The following PKD1L1 variants were observed in gnomAD, a reference collection of about 807,000 sequenced individuals.
PKD1L1 encodes polycystin-1-like protein 1.
PKD1L1 carries 236 observed loss-of-function variants against 323.4 expected under a neutral mutation model. That is an observed-to-expected ratio of 0.73 (90% CI 0.66 to 0.81). PKD1L1 has a LOEUF of 0.81. Among genes scored for constraint, PKD1L1 ranks in the 40% least tolerant of loss-of-function variants. The pLI is 0.00. For synonymous variants in PKD1L1, 1,344 were observed against 1,335.0 expected (o/e 1.01, Z -0.15); for missense variants, 3,320 against 3,508.0 (o/e 0.95, Z 1.35).
At chr7:47,863,464 A>G (rs1207899249) in intron 26 of PKD1L1, among the ~76,000 whole-genome samples, 1 of 152,076 alleles carries the variant, frequency 6.6e-6, no homozygotes, top group Admixed American at 6.6e-5. Flanking sequence ...GAGGCCCAAG[A>G]CAAAGCTCTG....
At chr7:47,793,632 C>T (rs934304098) in intron 55 of PKD1L1, among the ~76,000 whole-genome samples, 2 of 152,100 alleles carry the variant, frequency 1.3e-5, no homozygotes, top group African/African-American at 4.8e-5. Flanking sequence ...TGAACTAAAA[C>T]AGTAAATTGG....
intron 26 of PKD1L1, among the ~76,000 whole-genome samples, chr7:47,863,194 G>A (rs757598945): frequency 7.2e-5 from 11 of 152,154 alleles, no homozygotes; most frequent in Admixed American, 2.0e-4. Flanking sequence ...CTGCATGGAC[G>A]GTGCTGCCCT....
chr7:47,842,456 C>T (rs1785581070), intron 34 of PKD1L1, among the ~76,000 whole-genome samples: 2 of 152,246 alleles, frequency 1.3e-5, no homozygotes, highest in South Asian at 4.1e-4. Context: ...ACACGCACTT[C>T]GAATTGCACA....
chr7:47,781,992 T>G (rs1056669563), intron 56 of PKD1L1, among the ~76,000 whole-genome samples: 2 of 152,224 alleles, frequency 1.3e-5, no homozygotes, highest in Admixed American at 6.5e-5. Flanking sequence ...GAGTCCATTC[T>G]GGGATCTCTA....
intron 12 of PKD1L1, among the ~76,000 whole-genome samples, chr7:47,903,706 C>T (rs944759657): frequency 3.3e-5 from 5 of 152,186 alleles, no homozygotes; most frequent in African/African-American, 9.7e-5. Context: ...TTCCCTACAG[C>T]AGCATAAAGT....
chr7:47,833,066 G>A lies in PKD1L1; in HGVS notation c.6337+24C>T, dbSNP rs1438390889. 4 of 1,598,246 alleles carry A rather than the reference G, an allele frequency of 2.5e-6. No individual in the cohort carries two copies. The African/African-American group carries it at 4.0e-5, about 16-fold the overall frequency. ...GGTCTGCTGGACTGGCAGGAAGGGG[G>A]CTGTGGTTGCAAGCCACAGTTACCT... On this transcript the variant is annotated intron_variant, in intron 41 of 56. Transcript: ENST00000289672.
In PKD1L1 at chr7:47,783,937, T is replaced by C. The variant is rs561093638; in HGVS notation, c.8526+8690A>G. Among the ~76,000 whole-genome samples the C allele has an allele frequency of 7.2e-5, 11 of 152,358 alleles. No homozygotes were observed. In the South Asian group the frequency reaches 2.3e-3, roughly 32 times the overall value. ...AAAGAAGCCAGCCGACAGTGTATTT[T>C]AGTCCTTGAGAATTCAACTTTCTTG... On this transcript the variant is annotated intron_variant, in intron 56 of 56. Coordinates refer to ENST00000289672, the MANE Select transcript of PKD1L1 (RefSeq NM_138295.5).
intron 50 of PKD1L1, 65 bp downstream of exon 50, chr7:47,811,752 C>A (rs1013908278): frequency 1.5e-6 from 2 of 1,369,512 alleles, no homozygotes; most frequent in Admixed American, 2.0e-5. Flanking sequence ...GTGGAGAAGC[C>A]CAGCCCAGGT....
At chr7:47,872,371 GT>G (rs11318220) in intron 24 of PKD1L1, among the ~76,000 whole-genome samples, 49,342 of 151,972 alleles carry the variant, frequency 0.32, 8,569 homozygotes, top group African/African-American at 0.43. Context: ...GTGGGCTCAG[GT>G]TTTTCAGTTT....
intron 31 of PKD1L1, among the ~76,000 whole-genome samples, chr7:47,852,135 C>T (rs1384189631): frequency 2.0e-5 from 3 of 152,106 alleles, no homozygotes; most frequent in African/African-American, 4.8e-5. Flanking sequence ...TTCTCTCTAA[C>T]GGCTTGTCCT....
chr7:47,867,398 A>C (rs1281963227), intron 24 of PKD1L1, among the ~76,000 whole-genome samples: 1 of 152,170 alleles, frequency 6.6e-6, no homozygotes, highest in African/African-American at 2.4e-5. Flanking sequence ...ACTTTACAGA[A>C]TTCGTCTTGC....
chr7:47,864,580 C>CTT (rs999356068), intron 26 of PKD1L1, among the ~76,000 whole-genome samples: 1 of 52,954 alleles, frequency 1.9e-5, no homozygotes, highest in African/African-American at 1.2e-4. Flanking sequence ...TCTTTCTTTT[C>CTT]TTTCTTTCTT....
intron 3 of PKD1L1, among the ~76,000 whole-genome samples, chr7:47,938,317 G>A (rs13239959): frequency 0.098 from 14,966 of 152,190 alleles, 865 homozygotes; most frequent in South Asian, 0.2. Context: ...ATGCCAGCTC[G>A]TGCCTGAGTG....
chr7:47,796,027 T>C lies in PKD1L1; in HGVS notation c.8317A>G (p.Thr2773Ala), dbSNP rs1322771345. ...ATCTCAGCCTCTTCCAACTTTGGTG[T>C]TTCCAGTCTCAGAAAGGTGAGGACC... ...EKVLTFLRLE[T>A]PKLEEAEMVE... Residue 2773 changes from threonine (T) to alanine (A), a missense_variant, in exon 55 of 57, where the codon ACA becomes GCA. Physicochemically the swap from Thr to Ala is moderately conservative, Grantham distance 58 (BLOSUM62 0). Coordinates refer to ENST00000289672, the MANE Select transcript of PKD1L1 (RefSeq NM_138295.5). The C allele has an allele frequency of 6.2e-7, 1 of 1,613,328 alleles. No homozygotes were observed. The highest frequency in any genetic ancestry group is 8.5e-7 in the Non-Finnish European group (1 of 1,179,794).
intron 56 of PKD1L1, among the ~76,000 whole-genome samples, chr7:47,786,803 C>T (rs1390404823): frequency 6.6e-6 from 1 of 152,168 alleles, no homozygotes; most frequent in South Asian, 2.1e-4. Context: ...GGTCCTTCTG[C>T]CCAATCAGCA....
At chr7:47,902,677 A>T (rs1787118450) in intron 12 of PKD1L1, among the ~76,000 whole-genome samples, 166 bp from the exon 13 acceptor site, 1 of 152,194 alleles carries the variant, frequency 6.6e-6, no homozygotes, top group South Asian at 2.1e-4. Context: ...ATTTCCACAG[A>T]GGTCTTTCAT....
At chr7:47,813,801 C>T in intron 48 of PKD1L1, 130 bp downstream of exon 48, 2 of 777,816 alleles carry the variant, frequency 2.6e-6, no homozygotes, top group Non-Finnish European at 4.3e-6. Flanking sequence ...CCAGCCCCGG[C>T]ACTGACAATT....
intron 46 of PKD1L1, chr7:47,819,746 C>A: frequency 2.7e-6 from 1 of 366,248 alleles, no homozygotes; most frequent in Non-Finnish European, 5.1e-6. Context: ...ACAACACTGA[C>A]AAAGGGGACA....
intron 41 of PKD1L1, 147 bp downstream of exon 41, chr7:47,832,943 T>TCCTCCA: frequency 9.4e-7 from 1 of 1,068,206 alleles, no homozygotes; most frequent in South Asian, 1.8e-5. Context: ...GCCTCAGTTT[T>TCCTCCA]GGGTGGGCCC....
Sources: gnomAD v4.1 joint callset for allele counts (sites outside exome capture counted in the v4.1 genomes callset) on GRCh38, gnomAD v4.1.1 for gene constraint, MANE v1.5 for transcripts, NCBI Gene and HGNC (gene_info 2026-07-23, HGNC 2026-07-21) for gene names.